MRPS28: variants seen among roughly 807,000 people sequenced by gnomAD.
MRPS28 encodes mitochondrial ribosomal protein S28, also known as small ribosomal subunit protein bS1m.
Under a neutral mutation model 10.8 loss-of-function variants are expected in MRPS28, and 7 were observed. The observed-to-expected ratio is 0.65, with a 90% CI of 0.37 to 1.22. The LOEUF (loss-of-function observed/expected upper bound fraction) is 1.22, where lower values mean the gene tolerates loss of function less well. Among genes scored for constraint, MRPS28 ranks in the 50% most tolerant of loss-of-function variants. The pLI, the probability that MRPS28 is intolerant of heterozygous loss-of-function variation, is 0.02. For synonymous variants in MRPS28, 121 were observed against 93.3 expected (o/e 1.30, Z -1.71); for missense variants, 265 against 232.9 (o/e 1.14, Z -0.90).
At chr8:79,974,941 G>A (rs985088568) in intron 2 of MRPS28, among the ~76,000 whole-genome samples, 14 of 151,986 alleles carry the variant, frequency 9.2e-5, no homozygotes, top group African/African-American at 9.7e-5. Flanking sequence ...TTATTATTAC[G>A]GAGGGCAGTA....
At chr8:79,972,362 T>C (rs553844304) in intron 2 of MRPS28, among the ~76,000 whole-genome samples, 85 of 152,334 alleles carry the variant, frequency 5.6e-4, no homozygotes, top group African/African-American at 1.6e-3. Context: ...AGGATACCTA[T>C]ACCCCATTTT....
chr8:79,959,734 A>T (rs1001562840), intron 2 of MRPS28, among the ~76,000 whole-genome samples: 3 of 152,146 alleles, frequency 2.0e-5, no homozygotes, highest in African/African-American at 7.2e-5. Flanking sequence ...ATTTTAGCTA[A>T]TAAGACAAGT....
intron 1 of MRPS28, among the ~76,000 whole-genome samples, chr8:80,013,519 A>C (rs1191879782): frequency 1.3e-5 from 2 of 151,532 alleles, no homozygotes; most frequent in Non-Finnish European, 2.9e-5. Context: ...CTGTAATCCT[A>C]GCTACTCAGG....
chr8:80,029,160 T>C (rs531246367), intron 1 of MRPS28, among the ~76,000 whole-genome samples: 7 of 152,308 alleles, frequency 4.6e-5, no homozygotes, highest in Admixed American at 3.3e-4. Flanking sequence ...CGCCACTAAA[T>C]TTGTAGTAAT....
chr8:79,919,753 C>T (rs540901337), intron 2 of MRPS28, among the ~76,000 whole-genome samples: 4 of 152,160 alleles, frequency 2.6e-5, no homozygotes, highest in Non-Finnish European at 5.9e-5. Flanking sequence ...CAGAGAGTAT[C>T]AAGGGGAAAA....
intron 1 of MRPS28, among the ~76,000 whole-genome samples, chr8:80,019,262 G>C (rs374715056): frequency 2.7e-5 from 4 of 149,532 alleles, no homozygotes. Flanking sequence ...ACTATGATGT[G>C]ATTATTACAT....
intron 2 of MRPS28, among the ~76,000 whole-genome samples, chr8:79,952,956 T>A (rs1273666910): frequency 6.6e-6 from 1 of 152,154 alleles, no homozygotes; most frequent in Non-Finnish European, 1.5e-5. Context: ...ATTATAACAT[T>A]TTTAGAGATA....
intron 2 of MRPS28, among the ~76,000 whole-genome samples, chr8:79,929,374 T>C (rs1299294018): frequency 6.6e-6 from 1 of 152,168 alleles, no homozygotes; most frequent in African/African-American, 2.4e-5. Flanking sequence ...TGACCATATC[T>C]AGACTACTGT....
chr8:79,938,072 G>A (rs931946789), intron 2 of MRPS28, among the ~76,000 whole-genome samples: 1 of 152,126 alleles, frequency 6.6e-6, no homozygotes, highest in African/African-American at 2.4e-5. Context: ...AAAACTTAAG[G>A]CAGAAGAGTA....
intron 2 of MRPS28, among the ~76,000 whole-genome samples, chr8:79,946,896 A>C (rs1022754502): frequency 6.6e-6 from 1 of 152,178 alleles, no homozygotes; most frequent in Non-Finnish European, 1.5e-5. Context: ...CAAAAAAGAA[A>C]ATCAGTAACT....
At chr8:80,000,710 C>T (rs758679621) in intron 2 of MRPS28, among the ~76,000 whole-genome samples, 4 of 152,094 alleles carry the variant, frequency 2.6e-5, no homozygotes, top group South Asian at 2.1e-4. Context: ...GAAAACTAAT[C>T]GCAAATCTGA....
chr8:79,963,812 G>A (rs1317630422), intron 2 of MRPS28, among the ~76,000 whole-genome samples: 1 of 152,042 alleles, frequency 6.6e-6, no homozygotes, highest in African/African-American at 2.4e-5. Flanking sequence ...AAGTGAAGGC[G>A]GAAGAATGCT....
At chr8:79,953,870 G>A (rs1351064962) in intron 2 of MRPS28, among the ~76,000 whole-genome samples, 2 of 152,100 alleles carry the variant, frequency 1.3e-5, no homozygotes, top group East Asian at 1.9e-4. Flanking sequence ...ACAGAAAAAT[G>A]GGCAATTAAA....
At chr8:80,006,246 C>A (rs1808840426) in intron 1 of MRPS28, among the ~76,000 whole-genome samples, 1 of 152,176 alleles carries the variant, frequency 6.6e-6, no homozygotes, top group African/African-American at 2.4e-5. Flanking sequence ...TAAAGCACTC[C>A]TCAGCAAATG....
At chr8:79,997,892 T>C (rs922989587) in intron 2 of MRPS28, among the ~76,000 whole-genome samples, 3 of 151,650 alleles carry the variant, frequency 2.0e-5, no homozygotes, top group East Asian at 1.9e-4. Flanking sequence ...CTGTCTCCAC[T>C]AAAAATACAA....
chr8:79,956,416 A>G (rs1336353115), intron 2 of MRPS28: 1 of 152,170 alleles, frequency 6.6e-6, no homozygotes, highest in Non-Finnish European at 1.5e-5. Context: ...TTTACTCAAG[A>G]AAGCACAAAT....
chr8:80,021,669 CAA>C (rs1182827802), intron 1 of MRPS28, among the ~76,000 whole-genome samples: 1 of 152,086 alleles, frequency 6.6e-6, no homozygotes, highest in East Asian at 1.9e-4. Flanking sequence ...CTTCTAACAA[CAA>C]AAAATTACCT....
chr8:79,978,526 G>A (rs1401331838), intron 2 of MRPS28, among the ~76,000 whole-genome samples: 1 of 152,024 alleles, frequency 6.6e-6, no homozygotes, highest in Non-Finnish European at 1.5e-5. Context: ...CCTTCTCTAG[G>A]TCTCAGTTTC....
intron 2 of MRPS28, among the ~76,000 whole-genome samples, chr8:79,926,974 G>A (rs896109242): frequency 5.3e-5 from 8 of 152,304 alleles, no homozygotes; most frequent in South Asian, 2.1e-4. Context: ...TGATTAATGC[G>A]TTCAGCAGCT....
Sources: gnomAD v4.1 joint callset for allele counts (sites outside exome capture counted in the v4.1 genomes callset) on GRCh38, gnomAD v4.1.1 for gene constraint, MANE v1.5 for transcripts, NCBI Gene and HGNC (gene_info 2026-07-23, HGNC 2026-07-21) for gene names.